The following ANKRD17 variants were observed in gnomAD, a reference collection of about 807,000 sequenced individuals.
ANKRD17 encodes the protein ankyrin repeat domain 17.
A neutral mutation model predicts 229.7 loss-of-function variants in ANKRD17; 19 were observed. The ratio of observed to expected loss-of-function variants is 0.08; its 90% CI spans 0.06 to 0.12. The LOEUF (loss-of-function observed/expected upper bound fraction) is 0.12, where lower values mean the gene tolerates loss of function less well. Ranked by LOEUF, ANKRD17 falls within the 10% of genes least tolerant of loss-of-function variation. The pLI, the probability that ANKRD17 is intolerant of heterozygous loss-of-function variation, is 1.00. For missense variants in ANKRD17, 2,176 were observed against 3,176.8 expected, an observed-to-expected ratio of 0.68 and a Z score of 7.57; for synonymous variants, 1,112 against 1,146.1, an observed-to-expected ratio of 0.97 and a Z score of 0.60.
intron 21 of ANKRD17, among the ~76,000 whole-genome samples, chr4:73,119,685 G>A (rs1440828127): frequency 6.6e-6 from 1 of 152,196 alleles, no homozygotes; most frequent in Non-Finnish European, 1.5e-5. Context: ...AAACAGACAA[G>A]CATCTTTGGA....
chr4:73,217,046 C>T (rs1741158842), intron 1 of ANKRD17, among the ~76,000 whole-genome samples: 1 of 152,156 alleles, frequency 6.6e-6, no homozygotes, highest in African/African-American at 2.4e-5. Flanking sequence ...AAACAAAGGC[C>T]TCTCACAATT....
intron 13 of ANKRD17, 27 bp from the exon 14 acceptor site, chr4:73,141,870 T>C: frequency 6.4e-7 from 1 of 1,563,070 alleles, no homozygotes. Flanking sequence ...TAAGTGACTA[T>C]TAGTGTCCTA....
intron 15 of ANKRD17, among the ~76,000 whole-genome samples, chr4:73,135,744 T>G (rs1316266258): frequency 6.6e-6 from 1 of 152,132 alleles, no homozygotes; most frequent in Non-Finnish European, 1.5e-5. Flanking sequence ...ATGCAATCAT[T>G]TAAAACACCG....
At chr4:73,102,228 G>T in intron 25 of ANKRD17, 148 bp downstream of exon 25, 1 of 774,682 alleles carries the variant, frequency 1.3e-6, no homozygotes, top group Non-Finnish European at 2.0e-6. Flanking sequence ...GCCATAAAAT[G>T]CTGGGATTAC....
intron 1 of ANKRD17, among the ~76,000 whole-genome samples, chr4:73,228,861 C>G (rs929377157): frequency 6.6e-6 from 1 of 152,144 alleles, no homozygotes; most frequent in Non-Finnish European, 1.5e-5. Context: ...CTATTCACAA[C>G]AGCAAAGACT....
At chr4:73,178,712 G>A (rs80023076) in intron 1 of ANKRD17, among the ~76,000 whole-genome samples, 2,910 of 152,112 alleles carry the variant, frequency 0.019, 93 homozygotes, top group African/African-American at 0.066. Flanking sequence ...TATTTACTGT[G>A]TTAAGAAACA....
rs554776318 is a variant in ANKRD17, at chr4:73,075,126, T to C, written c.*1105A>G. On this transcript the variant is annotated 3_prime_UTR_variant, in exon 34 of 34. Coordinates refer to ENST00000358602, the MANE Select transcript of ANKRD17 (RefSeq NM_032217.5). ...TAAAAAAGCAGGAAGCCTTTAAAAT[T>C]GAAAAAAGAAATAAGATATTTTCCA... 1 of 152,218 alleles carries C rather than the reference T, an allele frequency of 6.6e-6. No individual in the cohort carries two copies. The highest frequency in any genetic ancestry group is 1.9e-4 in the East Asian group (1 of 5,190). 9.4% of individuals were successfully genotyped at this position (152,218 alleles called of 1,614,324 possible). A position where few individuals can be genotyped will look rare whatever the true frequency, so the allele number is the denominator to read the frequency against.
intron 2 of ANKRD17, among the ~76,000 whole-genome samples, chr4:73,172,536 G>A (rs1422787009): frequency 6.6e-6 from 1 of 152,164 alleles, no homozygotes; most frequent in African/African-American, 2.4e-5. Flanking sequence ...CCTGTGGTGT[G>A]TTAACGCTTA....
At chr4:73,125,408 T>A (rs1467349196) in intron 16 of ANKRD17, 96 bp from the exon 17 acceptor site, 1 of 879,614 alleles carries the variant, frequency 1.1e-6, no homozygotes. Context: ...CACAAATACA[T>A]ATGTACCACT....
Position 73,092,153 on chromosome 4 carries a change from G to C in ANKRD17, c.5475C>G (p.Thr1825=), listed in dbSNP as rs1722853521. The C allele has an allele frequency of 1.2e-6, 2 of 1,614,034 alleles. No homozygotes were observed. The highest frequency in any genetic ancestry group is 1.1e-5 in the South Asian group (1 of 91,084). Reference sequence around the variant, plus strand: ...CCATTAAGGAAGTGTTAGCAGCAGTGGTGGTAGGTGCTGATGACCCTATTT... The same window carrying C: ...CCATTAAGGAAGTGTTAGCAGCAGTCGTGGTAGGTGCTGATGACCCTATTT... ...NSKIGSSAPT[T]TAANTSLMGI... is the part of the protein sequence containing the mutation. Residue 1825 remains threonine, a synonymous_variant, in exon 29 of 34, where the codon ACC becomes ACG. Transcript: ENST00000358602.
intron 2 of ANKRD17, among the ~76,000 whole-genome samples, chr4:73,175,988 GAA>G (rs146454432): frequency 7.2e-6 from 1 of 138,242 alleles, no homozygotes; most frequent in African/African-American, 2.7e-5. Flanking sequence ...TTCTGCACAG[GAA>G]AAAAAAAAAA....
chr4:73,242,437 C>T (rs1201717992), intron 1 of ANKRD17, among the ~76,000 whole-genome samples: 1 of 151,990 alleles, frequency 6.6e-6, no homozygotes, highest in Non-Finnish European at 1.5e-5. Context: ...TATACAAAAA[C>T]TAAAATTTTA....
chr4:73,185,007 A>C (rs1736100754), intron 1 of ANKRD17, among the ~76,000 whole-genome samples: 1 of 152,138 alleles, frequency 6.6e-6, no homozygotes, highest in South Asian at 2.1e-4. Flanking sequence ...GAGACAAAAC[A>C]ACCAATTACG....
intron 30 of ANKRD17, 42 bp downstream of exon 30, chr4:73,085,207 A>G: frequency 6.3e-7 from 1 of 1,581,820 alleles, no homozygotes; most frequent in South Asian, 1.1e-5. Flanking sequence ...TTTTAAGAAA[A>G]CATATGCAGA....
chr4:73,192,119 A>G (rs868573995), intron 1 of ANKRD17, among the ~76,000 whole-genome samples: 5 of 152,054 alleles, frequency 3.3e-5, no homozygotes, highest in Admixed American at 3.3e-4. Flanking sequence ...TACATTATTT[A>G]TCTTCATGAA....
rs548068636 is a variant in ANKRD17, at chr4:73,250,176, AT to A, written c.393+8099del. On this transcript the variant is annotated intron_variant, in intron 1 of 33. Coordinates refer to ENST00000358602, the MANE Select transcript of ANKRD17 (RefSeq NM_032217.5). Reference sequence around the variant, plus strand: ...ATTTCAGATCATTTACTCAAAACACATTTTTTTTACCCTTGACGCATAAAAA... The same window carrying A: ...ATTTCAGATCATTTACTCAAAACACATTTTTTTACCCTTGACGCATAAAAA... Among the ~76,000 whole-genome samples, 22 of 152,040 alleles carry A rather than the reference AT, an allele frequency of 1.4e-4. No homozygotes were observed. The East Asian group carries it at 1.5e-3, about 11-fold the overall frequency.
chr4:73,130,894 C>G (rs1016855934), intron 16 of ANKRD17, among the ~76,000 whole-genome samples: 1 of 152,058 alleles, frequency 6.6e-6, no homozygotes, highest in African/African-American at 2.4e-5. Context: ...AATTATTGTT[C>G]CACATAAAGC....
At chr4:73,250,209 T>TG (rs1744863230) in intron 1 of ANKRD17, among the ~76,000 whole-genome samples, 3 of 152,172 alleles carry the variant, frequency 2.0e-5, no homozygotes, top group Admixed American at 2.0e-4. Flanking sequence ...AAAACCTATT[T>TG]AATATTTTTC....
chr4:73,090,226 A>G (rs780724226), intron 29 of ANKRD17, among the ~76,000 whole-genome samples: 51 of 152,298 alleles, frequency 3.3e-4, no homozygotes, highest in Non-Finnish European at 5.1e-4. Flanking sequence ...CTTGGTCAAC[A>G]TGGTGAAACC....
Sources: allele counts gnomAD v4.1 joint callset (sites outside exome capture counted in the v4.1 genomes callset), GRCh38; gene constraint gnomAD v4.1.1; transcripts MANE v1.5; gene names NCBI Gene and HGNC (gene_info 2026-07-23, HGNC 2026-07-21).